HIPK2: variants seen among roughly 807,000 people sequenced by gnomAD.
HIPK2 encodes homeodomain-interacting protein kinase 2.
Under a neutral mutation model 113.7 loss-of-function variants are expected in HIPK2, and 27 were observed. The observed-to-expected ratio is 0.24, with a 90% CI of 0.17 to 0.33. The LOEUF (loss-of-function observed/expected upper bound fraction) is 0.33, where lower values mean the gene tolerates loss of function less well. HIPK2 is among the 10% of genes least tolerant of loss of function. The pLI, the probability that HIPK2 is intolerant of heterozygous loss-of-function variation, is 1.00. For synonymous variants in HIPK2, 631 were observed against 642.2 expected (o/e 0.98, Z 0.26); for missense variants, 1,257 against 1,588.0 (o/e 0.79, Z 3.54).
intron 1 of HIPK2, among the ~76,000 whole-genome samples, chr7:139,743,215 T>C (rs1383925898): frequency 6.6e-6 from 1 of 151,922 alleles, no homozygotes; most frequent in Non-Finnish European, 1.5e-5. Context: ...GCTGCACACA[T>C]CAGGGAGGAG....
chr7:139,621,776 A>G (rs2116842635), intron 6 of HIPK2, among the ~76,000 whole-genome samples: 1 of 152,132 alleles, frequency 6.6e-6, no homozygotes, highest in Non-Finnish European at 1.5e-5. Context: ...TATAAAAATT[A>G]GCTGGCTGTG....
Position 139,575,123 on chromosome 7 carries a change from C to A in HIPK2, c.3126+5G>T. 6.3e-7 allele frequency: 1 copy of A among 1,589,254 alleles called. No individual in the cohort carries two copies. The highest frequency in any genetic ancestry group is 1.2e-5 in the South Asian group (1 of 86,848). On this transcript the variant is annotated splice_donor_5th_base_variant and intron_variant, in intron 14 of 14. Coordinates refer to ENST00000406875, the MANE Select transcript of HIPK2 (RefSeq NM_022740.5). ...CTGGCCTGGGGCGCCAGCTGTGGGG[C>A]TTACCTGGCTGAGATTGAGTGGCTG...
chr7:139,576,601 T>TCCGCCTCCCGGGTTCAA (rs1798500090), intron 13 of HIPK2, among the ~76,000 whole-genome samples: 1 of 152,196 alleles, frequency 6.6e-6, no homozygotes. Flanking sequence ...GCTCCTGCCC[T>TCCGCCTCCCGGGTTCAA]GTGCTAAGGA....
At chr7:139,733,292 A>C (rs1795847402) in intron 1 of HIPK2, among the ~76,000 whole-genome samples, 1 of 152,200 alleles carries the variant, frequency 6.6e-6, no homozygotes, top group Non-Finnish European at 1.5e-5. Context: ...TACAGTCCTA[A>C]ACAAGCGTTT....
intron 1 of HIPK2, among the ~76,000 whole-genome samples, chr7:139,761,526 A>G (rs549875248): frequency 1.3e-5 from 2 of 152,180 alleles, no homozygotes; most frequent in Non-Finnish European, 2.9e-5. Context: ...GCTTTTCCAT[A>G]CAGGAAATCA....
chr7:139,678,811 T>C (rs1157439627), intron 2 of HIPK2, among the ~76,000 whole-genome samples: 1 of 152,244 alleles, frequency 6.6e-6, no homozygotes, highest in Non-Finnish European at 1.5e-5. Flanking sequence ...TGTTCTTCCA[T>C]TTGTTTGTAT....
intron 1 of HIPK2, among the ~76,000 whole-genome samples, chr7:139,768,833 GTGTTC>G (rs1796597001): frequency 1.3e-5 from 2 of 152,222 alleles, no homozygotes; most frequent in Admixed American, 1.3e-4. Context: ...GCATTCTGGA[GTGTTC>G]TGGGGCTTCT....
rs1585218755 is a variant in HIPK2 at position 139,569,741 on chromosome 7, T to C, written c.*3186A>G. The stretch of plus-strand genomic sequence containing the variant: ...ATTTTCCTACTTCCTAAGTCTTTCC[T>C]TTTTTTTTTTGCCTGACAAAACTGG... On this transcript the variant is annotated 3_prime_UTR_variant, in exon 15 of 15. Coordinates refer to ENST00000406875, the MANE Select transcript of HIPK2 (RefSeq NM_022740.5). 9.6e-6 allele frequency: 1 copy of C among 104,440 alleles called. No homozygotes were observed. The highest frequency in any genetic ancestry group is 1.8e-5 in the Non-Finnish European group (1 of 55,100). The allele number at this position is 104,440 out of a possible 1,614,324, so 6.5% of individuals were successfully genotyped here.
intron 1 of HIPK2, among the ~76,000 whole-genome samples, chr7:139,739,017 C>T (rs1478258920): frequency 6.6e-6 from 1 of 152,162 alleles, no homozygotes; most frequent in Non-Finnish European, 1.5e-5. Context: ...TAAATGCCCT[C>T]GCCCAAGATA....
At chr7:139,702,261 G>C (rs1405704010) in intron 2 of HIPK2, among the ~76,000 whole-genome samples, 1 of 152,176 alleles carries the variant, frequency 6.6e-6, no homozygotes, top group Non-Finnish European at 1.5e-5. Context: ...GCTGCTCTGA[G>C]CTGCAGAGGA....
In HIPK2 at chr7:139,630,040, T is replaced by TA. The variant is rs1426068840; in HGVS notation, c.1348-1002dup. Among the ~76,000 whole-genome samples the TA allele has an allele frequency of 6.6e-6, 1 of 151,706 alleles. No homozygotes were observed. Among genetic ancestry groups the TA allele is most frequent in the African/African-American group, 2.4e-5 (1 of 41,226 alleles). ...ATTAGGATTTGGCTGCAGATTCCAT[T>TA]AAAAAAACAAATCCAAAACAACAAC... is the stretch of plus-strand genomic sequence containing the variant. On this transcript the variant is annotated intron_variant, in intron 4 of 14. Transcript: ENST00000406875. This position sits in a 1 kb window ranked among gnomAD's most constrained non-coding sequence, Gnocchi z 4.0.
chr7:139,724,363 G>A (rs932030869), intron 1 of HIPK2, among the ~76,000 whole-genome samples: 1 of 152,076 alleles, frequency 6.6e-6, no homozygotes, highest in Non-Finnish European at 1.5e-5. Flanking sequence ...TTTCAGGTTA[G>A]CCCATTCTAA....
At chr7:139,767,298 C>A (rs376554420) in intron 1 of HIPK2, among the ~76,000 whole-genome samples, 1 of 152,192 alleles carries the variant, frequency 6.6e-6, no homozygotes, top group Non-Finnish European at 1.5e-5. Flanking sequence ...GGTTGAAGAA[C>A]CACTTCTTCC....
chr7:139,712,572 G>T (rs1795103391), intron 2 of HIPK2, among the ~76,000 whole-genome samples: 1 of 152,244 alleles, frequency 6.6e-6, no homozygotes, highest in Non-Finnish European at 1.5e-5. Flanking sequence ...AGCATGCAAT[G>T]ACTCCTCCAG....
chr7:139,666,003 A>G (rs974334324), intron 2 of HIPK2, among the ~76,000 whole-genome samples: 4 of 148,024 alleles, frequency 2.7e-5, no homozygotes, highest in Non-Finnish European at 5.9e-5. Flanking sequence ...CTTTCAAGAT[A>G]GCAATTATGT....
intron 2 of HIPK2, among the ~76,000 whole-genome samples, chr7:139,649,278 G>A (rs1418240092): frequency 3.9e-5 from 6 of 152,170 alleles, no homozygotes; most frequent in Admixed American, 3.3e-4. Context: ...GGCCGATGCA[G>A]CACCCCTTCC....
At position 139,600,420 on chromosome 7, in the gene HIPK2, A is replaced by C; in HGVS notation, c.2432T>G (p.Val811Gly). ...SRKSKQHQSS[V>G]RNVSTCEVSS... is the part of the protein sequence containing the mutation. ...TAGGGTGGCTCTCACCACCTACCTC[A>C]CAGATGACTGGTGCTGCTTACTCTT... The change falls in exon 11 of 15, where the codon GTG (valine) becomes GGG (glycine). Residue 811 changes from valine to glycine, a missense_variant. Coordinates refer to ENST00000406875, the MANE Select transcript of HIPK2 (RefSeq NM_022740.5). 6.2e-7 allele frequency: 1 copy of C among 1,612,784 alleles called. No individual in the cohort carries two copies. The highest frequency in any genetic ancestry group is 8.5e-7 in the Non-Finnish European group (1 of 1,179,624).
At chr7:139,746,858 G>A (rs370520646) in intron 1 of HIPK2, among the ~76,000 whole-genome samples, 42 of 152,186 alleles carry the variant, frequency 2.8e-4, no homozygotes, top group African/African-American at 1.0e-3. Context: ...GAGGCAGGCT[G>A]TAGCCTGACA....
intron 12 of HIPK2, among the ~76,000 whole-genome samples, chr7:139,592,630 C>A (rs148112875): frequency 2.8e-4 from 42 of 152,230 alleles, no homozygotes; most frequent in African/African-American, 9.4e-4. Context: ...TATGCTACAG[C>A]CTTTACAAGA....
Sources: gnomAD v4.1 joint callset for allele counts (sites outside exome capture counted in the v4.1 genomes callset) on GRCh38, gnomAD v4.1.1 for gene constraint, Gnocchi (gnomAD v3.1) non-coding constraint, MANE v1.5 for transcripts, NCBI Gene and HGNC (gene_info 2026-07-23, HGNC 2026-07-21) for gene names.